RPH3A: variants seen among roughly 807,000 people sequenced by gnomAD.
The protein encoded by RPH3A is rabphilin-3A.
A neutral mutation model predicts 102.2 loss-of-function variants in RPH3A; 48 were observed. The ratio of observed to expected loss-of-function variants is 0.47; its 90% CI spans 0.37 to 0.60. The LOEUF (loss-of-function observed/expected upper bound fraction) is 0.60, where lower values mean the gene tolerates loss of function less well. RPH3A is among the 20% of genes least tolerant of loss of function. RPH3A has a pLI of 0.00. For synonymous variants in RPH3A, 310 were observed against 324.3 expected (o/e 0.96, Z 0.47); for missense variants, 781 against 910.1 (o/e 0.86, Z 1.83).
chr12:112,580,394 CTTTTTTTTTT>C (rs773931202), intron 1 of RPH3A, among the ~76,000 whole-genome samples: 1,060 of 76,988 alleles, frequency 0.014, 18 homozygotes, highest in African/African-American at 0.051. Context: ...TTTGTCTTGT[CTTTTTTTTTT>C]TTTTTTTTTT....
At chr12:112,735,780 C>T (rs746834154) in intron 1 of RPH3A, among the ~76,000 whole-genome samples, 1 of 152,200 alleles carries the variant, frequency 6.6e-6, no homozygotes, top group Non-Finnish European at 1.5e-5. Flanking sequence ...TCAGTTCTGA[C>T]CTGCTCATTG....
chr12:112,864,406 G>A (rs941974664), intron 5 of RPH3A, among the ~76,000 whole-genome samples: 7 of 147,206 alleles, frequency 4.8e-5, no homozygotes, highest in African/African-American at 7.6e-5. Flanking sequence ...AGCCCAGATC[G>A]CGCCACTGCA....
At chr12:112,618,771 C>T (rs951546401) in intron 1 of RPH3A, among the ~76,000 whole-genome samples, 2 of 152,170 alleles carry the variant, frequency 1.3e-5, no homozygotes, top group Admixed American at 6.5e-5. Flanking sequence ...AGTATGTTCA[C>T]AGGGTTGTAT....
chr12:112,600,524 G>GT lies in RPH3A; in HGVS notation c.-140+25208dup, dbSNP rs1176418319. Among the ~76,000 whole-genome samples, 6 of 152,268 alleles carry GT rather than the reference G, an allele frequency of 3.9e-5. No individual in the cohort carries two copies. In the East Asian group the frequency reaches 1.2e-3, roughly 29 times the overall value. On this transcript the variant is annotated intron_variant, in intron 1 of 21. Transcript: ENST00000543106. ...TAACTTCCTCTCTCTCTGAGCCACTGTTTCCTCAACCGTAAAATGGGACAC... is the reference window on the plus strand; with the variant it reads ...TAACTTCCTCTCTCTCTGAGCCACTGTTTTCCTCAACCGTAAAATGGGACAC...
chr12:112,772,567 A>G (rs2040934231), intron 1 of RPH3A, among the ~76,000 whole-genome samples: 2 of 152,166 alleles, frequency 1.3e-5, no homozygotes, highest in African/African-American at 4.8e-5. Flanking sequence ...TTTTGTACCA[A>G]TCACCTTTCT....
chr12:112,712,925 CTCTTCTTCTTCTTCTTCT>C (rs529826755), intron 1 of RPH3A, among the ~76,000 whole-genome samples: 7 of 94,528 alleles, frequency 7.4e-5, no homozygotes, highest in Admixed American at 1.2e-4. Context: ...CTTCTTCTTC[CTCTTCTTCTTCTTCTTCT>C]TCTTCTTCTT....
intron 1 of RPH3A, among the ~76,000 whole-genome samples, chr12:112,750,633 A>G (rs996696402): frequency 6.6e-6 from 1 of 152,176 alleles, no homozygotes; most frequent in Non-Finnish European, 1.5e-5. Flanking sequence ...GGTGGTATGT[A>G]AGAGAGGATG....
chr12:112,713,023 C>CTCTTCCTCTTCTTCTTCTTCT (rs1473414104), intron 1 of RPH3A, among the ~76,000 whole-genome samples: 8 of 52,796 alleles, frequency 1.5e-4, no homozygotes, highest in East Asian at 7.3e-4. Context: ...CTTCCTCTTC[C>CTCTTCCTCTTCTTCTTCTTCT]TCTTCTTCTT....
At chr12:112,818,756 T>C (rs1435709355) in intron 2 of RPH3A, among the ~76,000 whole-genome samples, 5 of 152,034 alleles carry the variant, frequency 3.3e-5, no homozygotes, top group South Asian at 2.1e-4. Context: ...CAAAAGAAAA[T>C]TGGGGTGACT....
chr12:112,711,920 C>T (rs925567037), intron 1 of RPH3A, among the ~76,000 whole-genome samples: 4 of 152,142 alleles, frequency 2.6e-5, no homozygotes, highest in African/African-American at 7.2e-5. Flanking sequence ...ACAACCTCTG[C>T]CTCCCGGGTT....
chr12:112,871,590 C>T (rs2384070), intron 10 of RPH3A, among the ~76,000 whole-genome samples: 2,914 of 152,038 alleles, frequency 0.019, 114 homozygotes, highest in African/African-American at 0.065. Flanking sequence ...CAGACCTTGA[C>T]GGTGACTTTG....
At chr12:112,664,384 G>T (rs925855921) in intron 1 of RPH3A, among the ~76,000 whole-genome samples, 10 of 152,154 alleles carry the variant, frequency 6.6e-5, no homozygotes, top group South Asian at 4.1e-4. Context: ...AGTAGTTTTT[G>T]GTCGAAGGTT....
At chr12:112,638,396 C>T (rs1247667848) in intron 1 of RPH3A, among the ~76,000 whole-genome samples, 1 of 152,142 alleles carries the variant, frequency 6.6e-6, no homozygotes, top group African/African-American at 2.4e-5. Flanking sequence ...GTTACTTACG[C>T]ATATCTTATC....
At chr12:112,655,578 T>TC (rs1217790278) in intron 1 of RPH3A, among the ~76,000 whole-genome samples, 1 of 138,204 alleles carries the variant, frequency 7.2e-6, no homozygotes, top group Non-Finnish European at 1.6e-5. Flanking sequence ...TTTTTTTTTT[T>TC]TTTTTTTTTT....
At position 112,890,035 on chromosome 12, in the gene RPH3A, T is replaced by G. The variant is rs1228768065; in HGVS notation, c.1575T>G (p.Ala525=). ...CLERVIPMKR[A]GTTGSARGMA... ...TTTCTTCTTTTAAGATGAAACGTGC[T>G]GGGACCACCGGGTCAGCCCGAGGCA... is the stretch of plus-strand genomic sequence containing the variant. The change falls in exon 18 of 22, where the codon GCT becomes GCG. Residue 525 remains alanine, a synonymous_variant. Coordinates refer to ENST00000389385, the MANE Select transcript of RPH3A (RefSeq NM_001143854.2). 6.2e-7 allele frequency: 1 copy of G among 1,613,576 alleles called. No homozygotes were observed. The highest frequency in any genetic ancestry group is 1.3e-5 in the African/African-American group (1 of 74,908).
intron 1 of RPH3A, among the ~76,000 whole-genome samples, chr12:112,746,739 CTCTG>C (rs1485606826): frequency 3.9e-5 from 6 of 152,198 alleles, no homozygotes; most frequent in Admixed American, 2.0e-4. Context: ...TGCTCTCTGT[CTCTG>C]TCTGTCTTGG....
At chr12:112,862,873 G>A (rs763172525) in intron 5 of RPH3A, among the ~76,000 whole-genome samples, 82 of 152,154 alleles carry the variant, frequency 5.4e-4, no homozygotes, top group Non-Finnish European at 8.8e-5. Flanking sequence ...TGCCTGCCAG[G>A]CAGGGCTACC....
chr12:112,740,086 A>C (rs2040698391), intron 1 of RPH3A, among the ~76,000 whole-genome samples: 1 of 152,172 alleles, frequency 6.6e-6, no homozygotes, highest in Non-Finnish European at 1.5e-5. Context: ...TACTTGAAAC[A>C]GTTTCGGATT....
At chr12:112,583,490 A>C (rs1765613943) in intron 1 of RPH3A, among the ~76,000 whole-genome samples, 1 of 149,476 alleles carries the variant, frequency 6.7e-6, no homozygotes, top group African/African-American at 2.5e-5. Flanking sequence ...TCTGTAATTA[A>C]AAAAAAATAG....
Sources: gnomAD v4.1 joint callset for allele counts (sites outside exome capture counted in the v4.1 genomes callset) on GRCh38, gnomAD v4.1.1 for gene constraint, MANE v1.5 for transcripts, NCBI Gene and HGNC (gene_info 2026-07-23, HGNC 2026-07-21) for gene names.